KPNA7: variants seen among roughly 807,000 people sequenced by gnomAD.
KPNA7 encodes importin subunit alpha-8.
In KPNA7, 54 loss-of-function variants were observed where a neutral mutation model predicts 53.7. That is an observed-to-expected ratio of 1.01 (90% CI 0.81 to 1.26). The LOEUF (loss-of-function observed/expected upper bound fraction) is 1.26, where lower values mean the gene tolerates loss of function less well. KPNA7 is among the 50% of genes most tolerant of loss of function. The pLI is 0.00. For synonymous variants in KPNA7, 276 were observed against 259.3 expected (o/e 1.06, Z -0.62); for missense variants, 640 against 644.5 (o/e 0.99, Z 0.07).
intron 1 of KPNA7, among the ~76,000 whole-genome samples, chr7:99,217,193 A>G (rs1200292923): frequency 2.6e-5 from 4 of 152,146 alleles, no homozygotes; most frequent in African/African-American, 7.2e-5. Context: ...CACCAAGTTA[A>G]CCTTTAAAAA....
At chr7:99,148,226 G>A in the KPNA7 span, among the ~76,000 whole-genome samples, 12 of 152,254 alleles carry the variant, frequency 7.9e-5, no homozygotes, top group South Asian at 2.1e-4. Context: ...GATGGAACTC[G>A]GTGAGCCTCC....
the KPNA7 span, among the ~76,000 whole-genome samples, chr7:99,163,381 A>ATTTTTTTT: frequency 8.0e-4 from 47 of 58,860 alleles, no homozygotes; most frequent in Non-Finnish European, 1.2e-3. Flanking sequence ...ATATATATAT[A>ATTTTTTTT]TATTTTTTTT....
chr7:99,187,702 C>T (rs974684800), intron 7 of KPNA7, among the ~76,000 whole-genome samples: 8 of 149,584 alleles, frequency 5.3e-5, no homozygotes, highest in Admixed American at 1.4e-4. Flanking sequence ...TACAGCTGTG[C>T]GCCATCACAC....
the KPNA7 span, among the ~76,000 whole-genome samples, chr7:99,150,423 C>CTTTTTTTTTTTT: frequency 4.7e-4 from 62 of 132,426 alleles, 6 homozygotes; most frequent in East Asian, 1.1e-3. Flanking sequence ...TCATTCTTCT[C>CTTTTTTTTTTTT]TTTTTTTTGA....
At chr7:99,196,898 A>T (rs1790254780) in intron 3 of KPNA7, among the ~76,000 whole-genome samples, 1 of 152,182 alleles carries the variant, frequency 6.6e-6, no homozygotes, top group South Asian at 2.1e-4. Flanking sequence ...TGTTCATTGA[A>T]AACAGAGGAA....
intron 1 of KPNA7, among the ~76,000 whole-genome samples, chr7:99,213,341 G>T (rs1455912751): frequency 6.7e-6 from 1 of 149,798 alleles, no homozygotes; most frequent in Non-Finnish European, 1.5e-5. Flanking sequence ...TGTTGGCCAG[G>T]ATGGTCTCAA....
chr7:99,152,162 C>T, the KPNA7 span, among the ~76,000 whole-genome samples: 1 of 151,942 alleles, frequency 6.6e-6, no homozygotes, highest in African/African-American at 2.4e-5. Flanking sequence ...CCAGCCTGGG[C>T]GACAGAGCGA....
chr7:99,163,393 T>A, the KPNA7 span, among the ~76,000 whole-genome samples: 224 of 96,122 alleles, frequency 2.3e-3, no homozygotes, highest in African/African-American at 7.4e-3. Context: ...ATTTTTTTTT[T>A]TTTTTTTTTT....
downstream of KPNA7, among the ~76,000 whole-genome samples, chr7:99,172,908 C>T (rs553711767): frequency 6.6e-6 from 1 of 151,770 alleles, no homozygotes; most frequent in East Asian, 2.0e-4. Context: ...ACCAAAAATA[C>T]AGAAATTAGC....
chr7:99,181,988 G>A lies in KPNA7; in HGVS notation c.1212C>T (p.Ile404=), dbSNP rs1191708170. The A allele has an allele frequency of 7.1e-6, 11 of 1,550,978 alleles. No homozygotes were observed. The highest frequency in any genetic ancestry group is 5.5e-5 in the African/African-American group (4 of 73,002). The change falls in exon 9 of 11, where the codon ATC becomes ATT. Residue 404 remains isoleucine (I), a synonymous_variant. Coordinates refer to ENST00000327442, the MANE Select transcript of KPNA7 (RefSeq NM_001145715.3). ...CCAGGACCCCAGAGTGGACGAGCTGGATCAGCTGATCCATGGTGGCCCCTG... is the reference window on the plus strand; with the variant it reads ...CCAGGACCCCAGAGTGGACGAGCTGAATCAGCTGATCCATGGTGGCCCCTG... ...FATGATMDQL[I]QLVHSGVLEP...
At chr7:99,195,465 G>A (rs1790182663) in intron 4 of KPNA7, 127 bp from the exon 5 acceptor site, 1 of 836,590 alleles carries the variant, frequency 1.2e-6, no homozygotes, top group Non-Finnish European at 1.8e-6. Context: ...AAGGCGGGCA[G>A]ATCACTTGAG....
chr7:99,174,852 C>T (rs1017520427), intron 10 of KPNA7, among the ~76,000 whole-genome samples: 1 of 151,420 alleles, frequency 6.6e-6, no homozygotes, highest in African/African-American at 2.4e-5. Flanking sequence ...ACTCTGTCGC[C>T]CAGGCTGGAG....
At chr7:99,205,273 A>G (rs1478061012) in intron 2 of KPNA7, among the ~76,000 whole-genome samples, 3 of 151,846 alleles carry the variant, frequency 2.0e-5, no homozygotes, top group Non-Finnish European at 2.9e-5. Context: ...ATGCAAAAAA[A>G]AAAATTAGCC....
chr7:99,168,548 T>TC, the KPNA7 span, among the ~76,000 whole-genome samples: 2 of 152,156 alleles, frequency 1.3e-5, no homozygotes, highest in Non-Finnish European at 2.9e-5. Context: ...TCTGGCTCTG[T>TC]CCCCCAGGCT....
upstream of KPNA7, among the ~76,000 whole-genome samples, chr7:99,208,250 A>G (rs982500070): frequency 1.3e-5 from 2 of 148,352 alleles, no homozygotes; most frequent in African/African-American, 2.5e-5. Context: ...CTCACTTTTT[A>G]TTTATTTTAT....
At chr7:99,150,338 T>G in the KPNA7 span, among the ~76,000 whole-genome samples, 2 of 151,198 alleles carry the variant, frequency 1.3e-5, no homozygotes, top group East Asian at 3.9e-4. Flanking sequence ...TCAAGTGATC[T>G]CCCCACCTGG....
chr7:99,157,400 G>C, the KPNA7 span, among the ~76,000 whole-genome samples: 6 of 152,046 alleles, frequency 3.9e-5, no homozygotes, highest in African/African-American at 1.4e-4. Context: ...GTAGAAACAG[G>C]GTTTCTCCAT....
At chr7:99,208,591 A>G (rs1790938382), upstream of KPNA7, among the ~76,000 whole-genome samples, 1 of 151,890 alleles carries the variant, frequency 6.6e-6, no homozygotes, top group South Asian at 2.1e-4. Context: ...TTGTTTTTGT[A>G]GAGTCGGCTT....
At chr7:99,176,664 C>G (rs1450200281) in intron 10 of KPNA7, among the ~76,000 whole-genome samples, 1 of 152,080 alleles carries the variant, frequency 6.6e-6, no homozygotes, top group African/African-American at 2.4e-5. Context: ...TGCTTGAGCT[C>G]AGGAGTTTTA....
Sources: gnomAD v4.1 joint callset for allele counts (sites outside exome capture counted in the v4.1 genomes callset) on GRCh38, gnomAD v4.1.1 for gene constraint, MANE v1.5 for transcripts, NCBI Gene and HGNC (gene_info 2026-07-23, HGNC 2026-07-21) for gene names.